Variants in GCFC2 observed in about 807,000 individuals in gnomAD.
GCFC2 encodes intron Large complex component GCFC2.
In GCFC2, 102 loss-of-function variants were observed where a neutral mutation model predicts 99.4. The ratio of observed to expected loss-of-function variants is 1.03; its 90% CI spans 0.87 to 1.21. The LOEUF (loss-of-function observed/expected upper bound fraction) is 1.21. Among genes scored for constraint, GCFC2 ranks in the 50% most tolerant of loss-of-function variants. GCFC2 has a pLI of 0.00. For missense variants in GCFC2, 973 were observed against 920.9 expected (o/e 1.06, Z -0.73); for synonymous variants, 338 against 316.8 (o/e 1.07, Z -0.71).
chr2:75,697,636 A>G lies in GCFC2; in HGVS notation c.718-1321T>C, dbSNP rs952871923. 5 of 152,346 alleles carry G rather than the reference A, an allele frequency of 3.3e-5. No homozygotes were observed. The East Asian group carries it at 9.7e-4, about 29-fold the overall frequency. 9.4% of individuals were successfully genotyped at this position (152,346 alleles called of 1,614,324 possible). A position where few individuals can be genotyped will look rare whatever the true frequency, so the allele number is the denominator to read the frequency against. On this transcript the variant is annotated intron_variant, in intron 4 of 16. Transcript: ENST00000321027. Reference sequence around the variant, plus strand: ...CATTGTAACTGGCCGTAGCAGGCTAATGGTGACCCCATGAAAACATGTTCA... The same window carrying G: ...CATTGTAACTGGCCGTAGCAGGCTAGTGGTGACCCCATGAAAACATGTTCA...
In GCFC2 at chr2:75,670,170, GT is replaced by G; in HGVS notation, c.2070del (p.Pro691LeufsTer12). The G allele has an allele frequency of 6.2e-7, 1 of 1,606,996 alleles. No homozygotes were observed. The highest frequency in any genetic ancestry group is 8.5e-7 in the Non-Finnish European group (1 of 1,173,610). ...CACTTTTTAACCACATCTGGCCCAG[GT>G]GTGGCATTGAGAAGTGCTATAATAA... ...RYLIIALLNA[T>X]PGPDVVKKCN... On this transcript the variant is annotated frameshift_variant, in exon 15 of 17. Coordinates refer to ENST00000321027, the MANE Select transcript of GCFC2 (RefSeq NM_003203.5). LOFTEE classifies it high-confidence loss of function.
intron 15 of GCFC2, among the ~76,000 whole-genome samples, chr2:75,667,390 A>G (rs1163798747): frequency 1.3e-5 from 2 of 152,176 alleles, no homozygotes; most frequent in Non-Finnish European, 2.9e-5. Flanking sequence ...AGTTGGGGAA[A>G]AAATTAAAAT....
Position 75,710,632 on chromosome 2 carries a change from C to G in GCFC2, c.224G>C (p.Arg75Pro). ...RGRGRVWASS[R>P]RATKAAPRAD... is the part of the protein sequence containing the mutation. ...GCGGGGAGCCGCTTTGGTGGCACGC[C>G]GGGAGCTCGCCCAGACCCGGCCCCG... Residue 75 changes from arginine (R) to proline (P), a missense_variant, in exon 1 of 17, where the codon CGG (arginine) becomes CCG (proline). Transcript: ENST00000321027. The G allele has an allele frequency of 6.6e-7, 1 of 1,516,852 alleles. No individual in the cohort carries two copies. The highest frequency in any genetic ancestry group is 8.8e-7 in the Non-Finnish European group (1 of 1,139,320). The allele number at this position is 1,516,852 out of a possible 1,614,324, so 94.0% of individuals were successfully genotyped here.
At position 75,701,301 on chromosome 2, in the gene GCFC2, A is replaced by C. The variant is rs777436674; in HGVS notation, c.620-14T>G. ...CATTTCTGCTTACTAGCGGAAAAAAAGCTCACATGTAAACGTTTAGTATTT... is the reference window on the plus strand; with the variant it reads ...CATTTCTGCTTACTAGCGGAAAAAACGCTCACATGTAAACGTTTAGTATTT... On this transcript the variant is annotated splice_polypyrimidine_tract_variant and intron_variant, in intron 3 of 16. Coordinates refer to ENST00000321027, the MANE Select transcript of GCFC2 (RefSeq NM_003203.5). 2.0e-6 allele frequency: 3 copies of C among 1,471,564 alleles called. No individual in the cohort carries two copies. The highest frequency in any genetic ancestry group is 2.9e-6 in the Non-Finnish European group (3 of 1,051,518). The allele number at this position is 1,471,564 out of a possible 1,614,324, so 91.2% of individuals were successfully genotyped here. A position where few individuals can be genotyped will look rare whatever the true frequency, so the allele number is the denominator to read the frequency against.
intron 2 of GCFC2, among the ~76,000 whole-genome samples, chr2:75,705,221 C>T (rs1418853688): frequency 6.6e-6 from 1 of 152,074 alleles, no homozygotes; most frequent in East Asian, 1.9e-4. Context: ...GATTTCAGTT[C>T]TTAATATTGG....
chr2:75,668,765 T>G (rs1299031549), intron 15 of GCFC2, among the ~76,000 whole-genome samples: 1 of 152,202 alleles, frequency 6.6e-6, no homozygotes, highest in Non-Finnish European at 1.5e-5. Flanking sequence ...AAAATCTATA[T>G]GTGCATCTCT....
intron 15 of GCFC2, 68 bp downstream of exon 15, chr2:75,670,070 T>G (rs760805084): frequency 3.8e-6 from 4 of 1,043,754 alleles, no homozygotes; most frequent in Non-Finnish European, 5.8e-6. Flanking sequence ...TTTTGCTAAA[T>G]AATAGATTTT....
chr2:75,667,152 G>A (rs1284505467), intron 15 of GCFC2, among the ~76,000 whole-genome samples: 1 of 152,114 alleles, frequency 6.6e-6, no homozygotes, highest in Non-Finnish European at 1.5e-5. Flanking sequence ...TTCTTAATGG[G>A]TTGGTTTTTG....
intron 11 of GCFC2, among the ~76,000 whole-genome samples, chr2:75,682,817 G>A (rs1558738226): frequency 6.6e-6 from 1 of 151,824 alleles, no homozygotes; most frequent in Non-Finnish European, 1.5e-5. Flanking sequence ...ATCAATAGCT[G>A]AATCGATCAA....
Position 75,690,084 on chromosome 2 carries a change from A to G in GCFC2, c.1227-3T>C, listed in dbSNP as rs1340397587. 2.6e-6 allele frequency: 4 copies of G among 1,561,344 alleles called. No homozygotes were observed. The highest frequency in any genetic ancestry group is 4.5e-5 in the East Asian group (2 of 44,376). On this transcript the variant is annotated splice_polypyrimidine_tract_variant and splice_region_variant and intron_variant, in intron 8 of 16. Coordinates refer to ENST00000321027, the MANE Select transcript of GCFC2 (RefSeq NM_003203.5). The stretch of plus-strand genomic sequence containing the variant: ...CCCTTGCTTGTCTTCTTTTTGTCCT[A>G]TATTTTGCAACAAACCAAAAATAAA...
chr2:75,681,680 G>A (rs553139350), intron 11 of GCFC2, among the ~76,000 whole-genome samples: 12 of 151,944 alleles, frequency 7.9e-5, no homozygotes, highest in Non-Finnish European at 1.8e-4. Flanking sequence ...AGCCCAGCAA[G>A]CTAAGATCCA....
upstream of GCFC2, among the ~76,000 whole-genome samples, chr2:75,711,722 G>C (rs1681194327): frequency 6.6e-6 from 1 of 152,248 alleles, no homozygotes; most frequent in South Asian, 2.1e-4. Context: ...ACCCGGGCCA[G>C]CGGCTACAGA....
chr2:75,699,710 G>C (rs72918111), intron 4 of GCFC2, among the ~76,000 whole-genome samples: 3,200 of 151,992 alleles, frequency 0.021, 133 homozygotes, highest in African/African-American at 0.073. Context: ...CAAGTGGCTG[G>C]GACTATAGGC....
At chr2:75,695,194 T>C (rs1264477854) in intron 5 of GCFC2, among the ~76,000 whole-genome samples, 1 of 152,196 alleles carries the variant, frequency 6.6e-6, no homozygotes, top group Non-Finnish European at 1.5e-5. Flanking sequence ...AATAAAGTTA[T>C]ATTGGAACAC....
At chr2:75,667,980 A>G (rs928315610) in intron 15 of GCFC2, among the ~76,000 whole-genome samples, 4 of 152,230 alleles carry the variant, frequency 2.6e-5, no homozygotes, top group Non-Finnish European at 5.9e-5. Context: ...GGTTTCCATT[A>G]GCAACCAGAT....
chr2:75,670,132 A>G lies in GCFC2; in HGVS notation c.2103+6T>C. The stretch of plus-strand genomic sequence containing the variant: ...AAATTAGAATCAGTCTTCCTTCACA[A>G]CTTACCTGGTTGCACTTTTTAACCA... On this transcript the variant is annotated splice_donor_region_variant and intron_variant, in intron 15 of 16. Coordinates refer to ENST00000321027, the MANE Select transcript of GCFC2 (RefSeq NM_003203.5). 1 of 1,581,272 alleles carries G rather than the reference A, an allele frequency of 6.3e-7. No individual in the cohort carries two copies. Among genetic ancestry groups the G allele is most frequent in the Non-Finnish European group, 8.7e-7 (1 of 1,155,434 alleles).
chr2:75,682,316 GACCTCCAGCA>G (rs983741050), intron 11 of GCFC2, among the ~76,000 whole-genome samples: 1 of 151,864 alleles, frequency 6.6e-6, no homozygotes, highest in Non-Finnish European at 1.5e-5. Flanking sequence ...GTCTGGAGTG[GACCTCCAGCA>G]AACTCCAGCA....
At chr2:75,701,888 T>TATTTATAC in intron 3 of GCFC2, 1 of 1,057,700 alleles carries the variant, frequency 9.5e-7, no homozygotes, top group Non-Finnish European at 1.1e-6. Context: ...AAAAAAAATA[T>TATTTATAC]ATTTATACAG....
intron 1 of GCFC2, 56 bp from the exon 2 acceptor site, chr2:75,706,707 AT>A (rs1680885161): frequency 8.4e-7 from 1 of 1,192,484 alleles, no homozygotes. Flanking sequence ...GGAATTATTA[AT>A]TGAAATTCTG....
Sources: allele counts gnomAD v4.1 joint callset (sites outside exome capture counted in the v4.1 genomes callset), GRCh38; gene constraint gnomAD v4.1.1; transcripts MANE v1.5; gene names NCBI Gene and HGNC (gene_info 2026-07-23, HGNC 2026-07-21).